SYT1: variants seen among roughly 807,000 people sequenced by gnomAD.
The protein encoded by SYT1 is synaptotagmin 1, also known as synaptotagmin-1.
A neutral mutation model predicts 44.8 loss-of-function variants in SYT1; 8 were observed. The observed-to-expected ratio is 0.18, with a 90% CI of 0.10 to 0.32. The LOEUF is 0.32. Ranked by LOEUF, SYT1 falls within the 10% of genes least tolerant of loss-of-function variation. SYT1 has a pLI of 1.00. For synonymous variants in SYT1, 154 were observed against 188.8 expected (o/e 0.82, Z 1.51); for missense variants, 286 against 509.3 (o/e 0.56, Z 4.22).
At chr12:79,108,487 C>G (rs1007060504) in intron 3 of SYT1, among the ~76,000 whole-genome samples, 1 of 151,774 alleles carries the variant, frequency 6.6e-6, no homozygotes, top group African/African-American at 2.4e-5. Context: ...GCTTTTTTAT[C>G]TCTGTAATTT....
At chr12:78,947,654 G>C (rs1878737341) in intron 1 of SYT1, among the ~76,000 whole-genome samples, 1 of 151,906 alleles carries the variant, frequency 6.6e-6, no homozygotes, top group Non-Finnish European at 1.5e-5. Flanking sequence ...GCTAGAAATA[G>C]CTAATGTAGC....
chr12:79,071,383 G>T (rs1876262737), intron 3 of SYT1, among the ~76,000 whole-genome samples: 1 of 152,092 alleles, frequency 6.6e-6, no homozygotes, highest in African/African-American at 2.4e-5. Context: ...GAGAGTGGGG[G>T]AACCCAAATA....
At chr12:79,372,563 G>T (rs1475396617) in intron 9 of SYT1, among the ~76,000 whole-genome samples, 1 of 152,150 alleles carries the variant, frequency 6.6e-6, no homozygotes, top group East Asian at 1.9e-4. Context: ...AGGCCATAAG[G>T]GTAGACACAG....
intron 3 of SYT1, among the ~76,000 whole-genome samples, chr12:79,166,807 G>T (rs1871247851): frequency 6.6e-6 from 1 of 152,046 alleles, no homozygotes; most frequent in Admixed American, 6.6e-5. Context: ...CCTTTGCACA[G>T]TGGAAGGATC....
intron 9 of SYT1, among the ~76,000 whole-genome samples, chr12:79,422,775 C>G (rs1037091221): frequency 1.3e-5 from 2 of 151,970 alleles, no homozygotes; most frequent in Non-Finnish European, 2.9e-5. Context: ...GGGGAACACT[C>G]TAGGATTTTT....
At chr12:79,025,035 A>G (rs1306914140) in intron 2 of SYT1, among the ~76,000 whole-genome samples, 1 of 151,866 alleles carries the variant, frequency 6.6e-6, no homozygotes, top group African/African-American at 2.4e-5. Context: ...TAGAATTTAT[A>G]CATTCATGAG....
intron 3 of SYT1, among the ~76,000 whole-genome samples, chr12:79,065,380 G>C (rs1461976782): frequency 6.6e-6 from 1 of 152,138 alleles, no homozygotes; most frequent in Non-Finnish European, 1.5e-5. Context: ...GACTGAGCGA[G>C]ACTCTGTCCC....
chr12:79,013,870 G>A (rs1471432211), intron 2 of SYT1, among the ~76,000 whole-genome samples: 1 of 152,102 alleles, frequency 6.6e-6, no homozygotes, highest in Non-Finnish European at 1.5e-5. Context: ...GCTCACGCCT[G>A]TAATCCCAGC....
intron 2 of SYT1, among the ~76,000 whole-genome samples, chr12:79,028,795 G>A (rs761067860): frequency 6.6e-6 from 1 of 151,208 alleles, no homozygotes; most frequent in Non-Finnish European, 1.5e-5. Flanking sequence ...TTGTATAATT[G>A]AGTGACAATT....
chr12:79,056,607 C>G (rs1238367790), intron 3 of SYT1, among the ~76,000 whole-genome samples: 1 of 151,978 alleles, frequency 6.6e-6, no homozygotes, highest in Non-Finnish European at 1.5e-5. Flanking sequence ...TAGACCTAAC[C>G]AAACTCTAGA....
intron 4 of SYT1, among the ~76,000 whole-genome samples, chr12:79,219,946 T>C (rs765265963): frequency 4.6e-5 from 7 of 152,042 alleles, no homozygotes; most frequent in Non-Finnish European, 1.0e-4. Context: ...TTTCTGGCTT[T>C]GTAAAATGAG....
chr12:78,876,463 GTTTTTTTT>G (rs1555177002), intron 1 of SYT1, among the ~76,000 whole-genome samples: 1 of 41,534 alleles, frequency 2.4e-5, no homozygotes, highest in Non-Finnish European at 6.1e-5. Context: ...AAATGGAGGT[GTTTTTTTT>G]TTTTTTTTTT....
chr12:78,946,752 A>T (rs908151465), intron 1 of SYT1, among the ~76,000 whole-genome samples: 3 of 152,102 alleles, frequency 2.0e-5, no homozygotes, highest in African/African-American at 7.2e-5. Context: ...AACCTGGAGC[A>T]ATTCTTAAAC....
chr12:79,157,614 G>A (rs1870680724), intron 3 of SYT1, among the ~76,000 whole-genome samples: 1 of 152,086 alleles, frequency 6.6e-6, no homozygotes, highest in South Asian at 2.1e-4. Context: ...TACTTATGGA[G>A]TATTGGACAA....
chr12:79,194,453 G>GTTATTATTATTA (rs3065428), intron 3 of SYT1, among the ~76,000 whole-genome samples: 22 of 148,628 alleles, frequency 1.5e-4, no homozygotes, highest in African/African-American at 3.7e-4. Flanking sequence ...TAATAATTTT[G>GTTATTATTATTA]TTATTATTAT....
At chr12:79,255,799 G>A (rs747792873) in intron 4 of SYT1, among the ~76,000 whole-genome samples, 1 of 152,122 alleles carries the variant, frequency 6.6e-6, no homozygotes, top group Non-Finnish European at 1.5e-5. Context: ...GAGAGTTTTG[G>A]GTCTACTGAG....
At chr12:79,141,467 G>C (rs1869552365) in intron 3 of SYT1, among the ~76,000 whole-genome samples, 1 of 151,794 alleles carries the variant, frequency 6.6e-6, no homozygotes, top group African/African-American at 2.4e-5. Flanking sequence ...TATTCATTTT[G>C]TTTTCTTCCA....
intron 8 of SYT1, among the ~76,000 whole-genome samples, chr12:79,332,992 C>A (rs766237356): frequency 3.3e-5 from 5 of 152,086 alleles, no homozygotes; most frequent in Admixed American, 6.6e-5. Flanking sequence ...ATAAATTGTG[C>A]TTTCTTCTTT....
At chr12:79,431,951 A>G (rs1007013276) in intron 9 of SYT1, among the ~76,000 whole-genome samples, 1 of 152,228 alleles carries the variant, frequency 6.6e-6, no homozygotes, top group African/African-American at 2.4e-5. Flanking sequence ...AAAGCTATTT[A>G]TCTCCTTGAT....
Sources: gnomAD v4.1 joint callset for allele counts (sites outside exome capture counted in the v4.1 genomes callset) on GRCh38, gnomAD v4.1.1 for gene constraint, MANE v1.5 for transcripts, NCBI Gene and HGNC (gene_info 2026-07-23, HGNC 2026-07-21) for gene names.